Variants in CNTNAP2 observed in about 807,000 individuals in gnomAD.
CNTNAP2 encodes contactin-associated protein-like 2.
Under a neutral mutation model 155.2 loss-of-function variants are expected in CNTNAP2, and 98 were observed. The observed-to-expected ratio is 0.63, with a 90% confidence interval of 0.54 to 0.75. The LOEUF is 0.75. Among genes scored for constraint, CNTNAP2 ranks in the 30% least tolerant of loss-of-function variants. The probability of loss-of-function intolerance (pLI) is 0.00; values close to 1 mark genes in which losing one functional copy is unlikely to be tolerated. For missense variants in CNTNAP2, 1,727 were observed against 1,688.1 expected, an observed-to-expected ratio of 1.02 and a Z score of -0.40; for synonymous variants, 651 against 631.2, an observed-to-expected ratio of 1.03 and a Z score of -0.47.
At chr7:147,879,244 G>A (rs541481798) in intron 13 of CNTNAP2, among the ~76,000 whole-genome samples, 2 of 152,192 alleles carry the variant, frequency 1.3e-5, no homozygotes, top group East Asian at 3.9e-4. Context: ...GTGAAATAAG[G>A]CAACATTGGC....
intron 13 of CNTNAP2, among the ~76,000 whole-genome samples, chr7:147,860,632 C>T (rs139003248): frequency 6.6e-6 from 1 of 151,082 alleles, no homozygotes; most frequent in African/African-American, 2.4e-5. Context: ...CTTGCTCTCT[C>T]TCTCTCTTTC....
chr7:148,276,966 G>T (rs1796880089), intron 21 of CNTNAP2, among the ~76,000 whole-genome samples: 1 of 152,192 alleles, frequency 6.6e-6, no homozygotes, highest in Non-Finnish European at 1.5e-5. Flanking sequence ...ATCCAGGCTG[G>T]TTTAAAGCTG....
chr7:147,970,930 T>TAA (rs1801321588), intron 14 of CNTNAP2, among the ~76,000 whole-genome samples: 1 of 152,208 alleles, frequency 6.6e-6, no homozygotes, highest in African/African-American at 2.4e-5. Context: ...CTGTGCCATT[T>TAA]AAATATCTTG....
chr7:147,421,585 CTGTGTGTGTG>C, intron 10 of CNTNAP2, among the ~76,000 whole-genome samples: 1 of 143,602 alleles, frequency 7.0e-6, no homozygotes, highest in East Asian at 2.1e-4. Context: ...TCTATCTAAT[CTGTGTGTGTG>C]TGTGTGTGTG....
rs138126068 is a variant in CNTNAP2, at chr7:146,628,007, T to C, written c.98-146264T>C. Among the ~76,000 whole-genome samples, 3 of 152,302 alleles carry C rather than the reference T, an allele frequency of 2.0e-5. No individual in the cohort carries two copies. The East Asian group carries it at 5.8e-4, about 29-fold the overall frequency. On this transcript the variant is annotated intron_variant, in intron 1 of 23. Coordinates refer to ENST00000361727, the MANE Select transcript of CNTNAP2 (RefSeq NM_014141.6). Reference sequence around the variant, plus strand: ...ATGAGTGTGTGGTCACGTATATCTTTGTGATTTATTATAGTATAATTTTAC... The same window carrying C: ...ATGAGTGTGTGGTCACGTATATCTTCGTGATTTATTATAGTATAATTTTAC...
rs776443999 is a variant in CNTNAP2 at position 147,035,711 on chromosome 7, A to G, written c.403-8196A>G. On this transcript the variant is annotated intron_variant, in intron 3 of 23. Coordinates refer to ENST00000361727, the MANE Select transcript of CNTNAP2 (RefSeq NM_014141.6). ...TTTTTTAGTCTTAAGTAAAACCTTT[A>G]CATGAAGATACAGAGTCTCATTCAT... Among the ~76,000 whole-genome samples the G allele has an allele frequency of 1.0e-3, 159 of 152,188 alleles. 4 individuals carry two copies. Among genetic ancestry groups the G allele is most frequent in the Non-Finnish European group, 1.9e-4 (13 of 68,030 alleles).
intron 21 of CNTNAP2, among the ~76,000 whole-genome samples, chr7:148,295,377 AAC>A (rs1473988360): frequency 1.3e-5 from 2 of 150,460 alleles, no homozygotes; most frequent in Non-Finnish European, 3.0e-5. Context: ...TAACTATAGT[AAC>A]AAGGGCTACA....
intron 1 of CNTNAP2, among the ~76,000 whole-genome samples, chr7:146,394,622 T>G (rs1795593833): frequency 6.6e-6 from 1 of 152,180 alleles, no homozygotes; most frequent in Non-Finnish European, 1.5e-5. Context: ...GTTTACTTGC[T>G]ATATTTGTCT....
chr7:148,168,020 G>GA lies in CNTNAP2; in HGVS notation c.2774-4217dup, dbSNP rs532180655. Among the ~76,000 whole-genome samples the GA allele has an allele frequency of 3.9e-5, 6 of 152,302 alleles. No individual in the cohort carries two copies. In the South Asian group the frequency reaches 1.2e-3, roughly 32 times the overall value. ...TATTTGCTCTGCCAATTGACCCTTT[G>GA]AAAAATATCTCCATTCTCAATCATT... is the stretch of plus-strand genomic sequence containing the variant. On this transcript the variant is annotated intron_variant, in intron 17 of 23. Transcript: ENST00000361727.
At chr7:148,338,737 A>G (rs757916443) in intron 21 of CNTNAP2, among the ~76,000 whole-genome samples, 9 of 152,204 alleles carry the variant, frequency 5.9e-5, no homozygotes, top group Non-Finnish European at 1.0e-4. Context: ...TTGATTTTGT[A>G]GCATGCCAGA....
intron 10 of CNTNAP2, among the ~76,000 whole-genome samples, chr7:147,479,762 A>G (rs777189744): frequency 5.3e-5 from 8 of 152,122 alleles, no homozygotes; most frequent in Non-Finnish European, 1.0e-4. Context: ...TTTGGGCATA[A>G]TGTCAGAGGT....
intron 10 of CNTNAP2, among the ~76,000 whole-genome samples, chr7:147,447,314 A>G (rs1183151794): frequency 6.6e-6 from 1 of 152,224 alleles, no homozygotes; most frequent in African/African-American, 2.4e-5. Context: ...GTATATAGAT[A>G]TGTATTTGTT....
intron 13 of CNTNAP2, among the ~76,000 whole-genome samples, chr7:147,900,084 T>C (rs1386479315): frequency 6.6e-6 from 1 of 152,142 alleles, no homozygotes; most frequent in African/African-American, 2.4e-5. Context: ...TTCCCCATCT[T>C]AATAGACTTC....
At chr7:146,265,887 A>C (rs1282416848) in intron 1 of CNTNAP2, among the ~76,000 whole-genome samples, 1 of 151,744 alleles carries the variant, frequency 6.6e-6, no homozygotes, top group Non-Finnish European at 1.5e-5. Flanking sequence ...TGTGTCCCTA[A>C]GGGGAGATGA....
chr7:147,997,483 G>T (rs1028678102), intron 15 of CNTNAP2, among the ~76,000 whole-genome samples: 2 of 151,874 alleles, frequency 1.3e-5, no homozygotes, highest in South Asian at 2.1e-4. Flanking sequence ...CTTGAACCGG[G>T]AGGCGGAGGT....
chr7:146,179,988 C>T (rs564380315), intron 1 of CNTNAP2, among the ~76,000 whole-genome samples: 13 of 152,126 alleles, frequency 8.5e-5, no homozygotes, highest in South Asian at 8.3e-4. Flanking sequence ...ACACTTTCTC[C>T]GCCACTTCCA....
chr7:147,268,658 A>C (rs1048271530), intron 8 of CNTNAP2, among the ~76,000 whole-genome samples: 5 of 152,206 alleles, frequency 3.3e-5, no homozygotes, highest in African/African-American at 1.2e-4. Flanking sequence ...TGACAGCATT[A>C]TAATGATAAT....
intron 8 of CNTNAP2, among the ~76,000 whole-genome samples, chr7:147,173,187 G>A (rs1229877420): frequency 6.6e-6 from 1 of 152,084 alleles, no homozygotes; most frequent in South Asian, 2.1e-4. Context: ...AGGGAAATGA[G>A]CATTATTCCC....
Position 147,014,023 on chromosome 7 carries a change from GA to G in CNTNAP2, c.403-29879del, listed in dbSNP as rs575158687. ...TAGAAGCACAGTGAGTTATGAAATG[GA>G]AAAAGGGATGTTTGTGGCATGAGAT... On this transcript the variant is annotated intron_variant, in intron 3 of 23. Coordinates refer to ENST00000361727, the MANE Select transcript of CNTNAP2 (RefSeq NM_014141.6). Among the ~76,000 whole-genome samples the G allele has an allele frequency of 5.9e-5, 9 of 152,278 alleles. No homozygotes were observed. The South Asian group carries it at 1.9e-3, about 32-fold the overall frequency.
Sources: allele counts gnomAD v4.1 joint callset (sites outside exome capture counted in the v4.1 genomes callset), GRCh38; gene constraint gnomAD v4.1.1; transcripts MANE v1.5; gene names NCBI Gene and HGNC (gene_info 2026-07-23, HGNC 2026-07-21).